CHST11: variants seen among roughly 807,000 people sequenced by gnomAD.
The protein encoded by CHST11 is C4S-1.
CHST11 carries 9 observed loss-of-function variants against 30.4 expected under a neutral mutation model. That is an observed-to-expected ratio of 0.30 (90% CI 0.18 to 0.52). The LOEUF is 0.52. CHST11 is among the 20% of genes least tolerant of loss of function. The pLI is 0.97. For missense variants in CHST11, 348 were observed against 460.6 expected, an observed-to-expected ratio of 0.76 and a Z score of 2.24; for synonymous variants, 152 against 187.8, an observed-to-expected ratio of 0.81 and a Z score of 1.56.
chr12:104,556,041 C>T (rs1020084261), intron 1 of CHST11, among the ~76,000 whole-genome samples: 2 of 152,216 alleles, frequency 1.3e-5, no homozygotes, highest in African/African-American at 4.8e-5. Context: ...TTTGGGGTCT[C>T]AGTGGTACAG....
rs113721067 is a variant in CHST11, at chr12:104,727,107, C to T, written c.205-29842C>T. On this transcript the variant is annotated intron_variant, in intron 2 of 2. Coordinates refer to ENST00000303694, the MANE Select transcript of CHST11 (RefSeq NM_018413.6). ...ACATTTATTTGGCCATCCACCCCCA[C>T]CCCAAATGATGGTGCACTCATGGCA... is the stretch of plus-strand genomic sequence containing the variant. 6.1e-3 allele frequency among the ~76,000 whole-genome samples: 929 copies of T among 152,256 alleles called. 7 individuals are homozygous for T. Among genetic ancestry groups the T allele is most frequent in the African/African-American group, 0.021 (884 of 41,544 alleles).
intron 2 of CHST11, among the ~76,000 whole-genome samples, chr12:104,731,239 G>C (rs779333698): frequency 6.6e-6 from 1 of 152,142 alleles, no homozygotes; most frequent in Non-Finnish European, 1.5e-5. Flanking sequence ...CTATCACCCA[G>C]ACACGGCTGC....
At chr12:104,646,746 A>G (rs957212999) in intron 2 of CHST11, among the ~76,000 whole-genome samples, 3 of 152,238 alleles carry the variant, frequency 2.0e-5, no homozygotes, top group Non-Finnish European at 4.4e-5. Context: ...CTCCCGTCCC[A>G]GACTCTAAGC....
At chr12:104,602,662 A>T (rs888033880) in intron 2 of CHST11, among the ~76,000 whole-genome samples, 2 of 151,882 alleles carry the variant, frequency 1.3e-5, no homozygotes, top group African/African-American at 4.8e-5. Context: ...TGATGTGGAG[A>T]CTCTGGGGCT....
rs913041880 is a variant in CHST11, at chr12:104,676,421, C to T, written c.204+74430C>T. 2.0e-5 allele frequency among the ~76,000 whole-genome samples: 3 copies of T among 152,166 alleles called. No homozygotes were observed. Among genetic ancestry groups the T allele is most frequent in the Non-Finnish European group, 4.4e-5 (3 of 68,026 alleles). On this transcript the variant is annotated intron_variant, in intron 2 of 2. Transcript: ENST00000303694. This position sits in a 1 kb window ranked among gnomAD's most constrained non-coding sequence, Gnocchi z 4.4. ...ATCTTTTCTGACTCCGAGTCACTGC[C>T]TCCTTTTCTTTTGAGACAGAGTCTC...
chr12:104,461,480 T>C (rs1292711035), intron 1 of CHST11, among the ~76,000 whole-genome samples: 1 of 152,252 alleles, frequency 6.6e-6, no homozygotes, highest in Non-Finnish European at 1.5e-5. Flanking sequence ...TTGATGGAGC[T>C]GTGTCATGCA....
intron 2 of CHST11, among the ~76,000 whole-genome samples, chr12:104,637,481 TATA>T (rs539138746): frequency 1.5e-3 from 230 of 152,044 alleles, no homozygotes; most frequent in African/African-American, 5.3e-3. Flanking sequence ...AAACTTAAAG[TATA>T]ATAATAATTT....
chr12:104,640,383 A>C (rs552150588), intron 2 of CHST11, among the ~76,000 whole-genome samples: 1 of 152,204 alleles, frequency 6.6e-6, no homozygotes, highest in Non-Finnish European at 1.5e-5. Flanking sequence ...ATACAACAGA[A>C]TATTATTCAG....
At chr12:104,632,726 C>T (rs76884316) in intron 2 of CHST11, among the ~76,000 whole-genome samples, 1,993 of 152,284 alleles carry the variant, frequency 0.013, 38 homozygotes, top group African/African-American at 0.044. Flanking sequence ...ACCCTGGGTC[C>T]GTCAGTACTG....
intron 2 of CHST11, among the ~76,000 whole-genome samples, chr12:104,608,007 T>TC (rs2039023413): frequency 6.6e-6 from 1 of 152,174 alleles, no homozygotes; most frequent in Non-Finnish European, 1.5e-5. Context: ...GTGGTCTTCA[T>TC]ATTAGGACCA....
At chr12:104,558,768 A>G (rs577952978) in intron 1 of CHST11, among the ~76,000 whole-genome samples, 2 of 152,020 alleles carry the variant, frequency 1.3e-5, no homozygotes, top group African/African-American at 4.8e-5. Context: ...TGAACTCCTG[A>G]CCTCAAGTGA....
intron 1 of CHST11, among the ~76,000 whole-genome samples, chr12:104,487,100 T>C (rs998753630): frequency 2.0e-5 from 3 of 152,214 alleles, no homozygotes; most frequent in Non-Finnish European, 4.4e-5. Flanking sequence ...ATAGTTTCTG[T>C]CTGCCTAAAA....
At chr12:104,469,151 C>G (rs561318813) in intron 1 of CHST11, among the ~76,000 whole-genome samples, 13 of 152,304 alleles carry the variant, frequency 8.5e-5, no homozygotes, top group Admixed American at 7.2e-4. Context: ...GCGTCCTACA[C>G]TGTAAGATTT....
intron 2 of CHST11, among the ~76,000 whole-genome samples, chr12:104,649,399 C>T (rs976570299): frequency 2.0e-5 from 3 of 152,280 alleles, no homozygotes; most frequent in African/African-American, 7.2e-5. Flanking sequence ...CTAATCTTTA[C>T]AGCCAATCTG....
intron 2 of CHST11, among the ~76,000 whole-genome samples, chr12:104,749,984 A>G (rs1254547129): frequency 6.6e-6 from 1 of 151,908 alleles, no homozygotes; most frequent in Non-Finnish European, 1.5e-5. Context: ...ATCTTTTGAA[A>G]AATGATTATC....
At chr12:104,644,789 G>T (rs1394111234) in intron 2 of CHST11, among the ~76,000 whole-genome samples, 7 of 152,210 alleles carry the variant, frequency 4.6e-5, no homozygotes, top group Non-Finnish European at 8.8e-5. Context: ...TTGAAAGTAG[G>T]GTTGGGATGA....
intron 2 of CHST11, among the ~76,000 whole-genome samples, chr12:104,705,374 T>C (rs570790724): frequency 3.3e-5 from 5 of 152,270 alleles, no homozygotes; most frequent in African/African-American, 1.2e-4. Flanking sequence ...TTGCAGGGTT[T>C]CTATGAGGAC....
intron 2 of CHST11, among the ~76,000 whole-genome samples, chr12:104,637,980 C>T (rs1210951304): frequency 6.6e-6 from 1 of 152,220 alleles, no homozygotes; most frequent in East Asian, 1.9e-4. Flanking sequence ...AAATTCACCA[C>T]CACCTCCTCA....
In CHST11 at chr12:104,674,405, C is replaced by T. The variant is rs565581431; in HGVS notation, c.204+72414C>T. 6.6e-4 allele frequency among the ~76,000 whole-genome samples: 101 copies of T among 152,206 alleles called. 2 individuals are homozygous for T. The South Asian group carries it at 0.018, about 27-fold the overall frequency. On this transcript the variant is annotated intron_variant, in intron 2 of 2. Transcript: ENST00000303694. The stretch of plus-strand genomic sequence containing the variant: ...TTTATACTTAATCCTTGCATCCTAA[C>T]GAGGAAGGTGCTGTTACAATCCACA...
Sources: allele counts gnomAD v4.1 joint callset (sites outside exome capture counted in the v4.1 genomes callset), GRCh38; gene constraint gnomAD v4.1.1; non-coding constraint Gnocchi (gnomAD v3.1); transcripts MANE v1.5; gene names NCBI Gene and HGNC (gene_info 2026-07-23, HGNC 2026-07-21).